CLASP2: variants seen among roughly 807,000 people sequenced by gnomAD.
The protein encoded by CLASP2 is CLIP-associating protein 2.
Under a neutral mutation model 194.4 loss-of-function variants are expected in CLASP2, and 47 were observed. The ratio of observed to expected loss-of-function variants is 0.24; its 90% CI spans 0.19 to 0.31. The LOEUF (loss-of-function observed/expected upper bound fraction) is 0.31. Ranked by LOEUF, CLASP2 falls within the 10% of genes least tolerant of loss-of-function variation. CLASP2 has a pLI of 1.00. For synonymous variants in CLASP2, 619 were observed against 633.5 expected (o/e 0.98, Z 0.34); for missense variants, 1,445 against 1,823.6 (o/e 0.79, Z 3.78).
chr3:33,697,017 T>C, intron 1 of CLASP2, 84 bp from the exon 2 acceptor site: 1 of 769,230 alleles, frequency 1.3e-6, no homozygotes, highest in Non-Finnish European at 2.1e-6. Flanking sequence ...ATATAAAAGA[T>C]CTTCATAAAT....
intron 29 of CLASP2, among the ~76,000 whole-genome samples, chr3:33,554,064 C>T (rs2060491327): frequency 1.3e-5 from 2 of 151,948 alleles, no homozygotes; most frequent in Admixed American, 1.3e-4. Context: ...CCCATCTATA[C>T]TAAAAATACA....
intron 9 of CLASP2, among the ~76,000 whole-genome samples, chr3:33,629,695 C>T (rs747960133): frequency 3.3e-5 from 5 of 150,844 alleles, no homozygotes; most frequent in African/African-American, 4.9e-5. Context: ...TCTAGCAGCA[C>T]GGTTTCAGGA....
chr3:33,647,085 T>C lies in CLASP2; in HGVS notation c.716-2182A>G, dbSNP rs146035944. 4.9e-3 allele frequency among the ~76,000 whole-genome samples: 752 copies of C among 152,290 alleles called. 4 individuals carry two copies. Among genetic ancestry groups the C allele is most frequent in the Non-Finnish European group, 6.0e-3 (408 of 68,026 alleles). The stretch of plus-strand genomic sequence containing the variant: ...TATCCATTCTACTACCGACAAGACA[T>C]GGGCTGTTCCAGTATGAGGTTATTA... On this transcript the variant is annotated intron_variant, in intron 7 of 38. Coordinates refer to ENST00000682230, the MANE Select transcript of CLASP2 (RefSeq NM_001365631.1).
At position 33,577,693 on chromosome 3, in the gene CLASP2, C is replaced by A. The variant is rs192992030; in HGVS notation, c.2348-1418G>T. 1.8e-3 allele frequency among the ~76,000 whole-genome samples: 269 copies of A among 152,246 alleles called. 2 individuals carry two copies. Among genetic ancestry groups the A allele is most frequent in the Non-Finnish European group, 3.3e-3 (225 of 68,018 alleles). On this transcript the variant is annotated intron_variant, in intron 23 of 38. Transcript: ENST00000682230. ...CTAACTGACTGACCTTCTACAACACCTGCTTCATTCATATGTAGAAATCTT... is the reference window on the plus strand; with the variant it reads ...CTAACTGACTGACCTTCTACAACACATGCTTCATTCATATGTAGAAATCTT...
chr3:33,628,087 C>T (rs1289518944), intron 9 of CLASP2, among the ~76,000 whole-genome samples: 1 of 152,126 alleles, frequency 6.6e-6, no homozygotes, highest in Non-Finnish European at 1.5e-5. Context: ...GTACCTTCAT[C>T]AAACCGCCTT....
intron 38 of CLASP2, among the ~76,000 whole-genome samples, chr3:33,500,624 A>G (rs1156388048): frequency 6.6e-6 from 1 of 152,068 alleles, no homozygotes; most frequent in Non-Finnish European, 1.5e-5. Context: ...TTAAGATGAG[A>G]TTTTACCTAA....
chr3:33,540,756 T>C (rs1286158652), intron 32 of CLASP2, among the ~76,000 whole-genome samples: 1 of 151,440 alleles, frequency 6.6e-6, no homozygotes, highest in Non-Finnish European at 1.5e-5. Flanking sequence ...ATCAAGCTAT[T>C]AACTATAAAT....
intron 1 of CLASP2, among the ~76,000 whole-genome samples, chr3:33,708,437 T>C (rs1056902727): frequency 6.7e-6 from 1 of 149,608 alleles, no homozygotes; most frequent in Non-Finnish European, 1.5e-5. Context: ...CTGAATAATA[T>C]TCCTTTGTGT....
intron 1 of CLASP2, among the ~76,000 whole-genome samples, chr3:33,704,771 T>C (rs1198682106): frequency 2.0e-5 from 3 of 151,740 alleles, no homozygotes; most frequent in African/African-American, 4.8e-5. Flanking sequence ...TATATACATA[T>C]ATATATATAT....
intron 9 of CLASP2, among the ~76,000 whole-genome samples, chr3:33,630,941 T>C (rs2078982801): frequency 1.3e-5 from 2 of 152,194 alleles, no homozygotes. Flanking sequence ...GGATATGTTT[T>C]CCCTATTATT....
At chr3:33,705,203 T>C (rs956936318) in intron 1 of CLASP2, among the ~76,000 whole-genome samples, 1 of 152,220 alleles carries the variant, frequency 6.6e-6, no homozygotes, top group Non-Finnish European at 1.5e-5. Flanking sequence ...TACAACAGAA[T>C]TTTACTCATC....
intron 2 of CLASP2, among the ~76,000 whole-genome samples, chr3:33,695,354 T>G (rs113989308): frequency 6.0e-5 from 9 of 149,488 alleles, no homozygotes; most frequent in African/African-American, 1.7e-4. Context: ...AGCCAGTGAG[T>G]CCATGGGCCT....
chr3:33,672,136 C>T (rs1416929430), intron 6 of CLASP2, among the ~76,000 whole-genome samples: 1 of 152,244 alleles, frequency 6.6e-6, no homozygotes, highest in Non-Finnish European at 1.5e-5. Context: ...GGGCAGACTG[C>T]CTCCTCAAGT....
intron 37 of CLASP2, chr3:33,503,488 T>A (rs1055323184): frequency 2.0e-5 from 3 of 151,826 alleles, no homozygotes; most frequent in African/African-American, 7.3e-5. Flanking sequence ...GACTGCAGTA[T>A]GTGATCTCAG....
chr3:33,596,655 T>C (rs537008323), intron 19 of CLASP2, 56 bp downstream of exon 19: 25 of 1,213,790 alleles, frequency 2.1e-5, no homozygotes, highest in Middle Eastern at 2.0e-4. Context: ...AAGGATATTA[T>C]ATAGAATCCA....
intron 27 of CLASP2, among the ~76,000 whole-genome samples, chr3:33,562,029 T>C (rs1430056065): frequency 6.6e-6 from 1 of 152,238 alleles, no homozygotes; most frequent in Non-Finnish European, 1.5e-5. Context: ...TTCATACAGT[T>C]ATAGATGAAC....
At chr3:33,534,827 A>G (rs2057034421) in intron 34 of CLASP2, among the ~76,000 whole-genome samples, 1 of 152,184 alleles carries the variant, frequency 6.6e-6, no homozygotes, top group South Asian at 2.1e-4. Context: ...CTTGAAATGT[A>G]TTTTATTAAT....
At chr3:33,539,066 T>C (rs941886606) in intron 32 of CLASP2, 124 bp from the exon 33 acceptor site, 21 of 685,582 alleles carry the variant, frequency 3.1e-5, no homozygotes, top group Admixed American at 3.9e-5. Context: ...AGAGCATAAT[T>C]AGCAAAATAA....
intron 10 of CLASP2, among the ~76,000 whole-genome samples, chr3:33,625,656 C>G (rs554146093): frequency 1.3e-5 from 2 of 150,662 alleles, no homozygotes; most frequent in South Asian, 2.1e-4. Flanking sequence ...AAAGGATATA[C>G]TCTAAAATGA....
Sources: allele counts gnomAD v4.1 joint callset (sites outside exome capture counted in the v4.1 genomes callset), GRCh38; gene constraint gnomAD v4.1.1; transcripts MANE v1.5; gene names NCBI Gene and HGNC (gene_info 2026-07-23, HGNC 2026-07-21).